The following PMS1 variants were observed in gnomAD, a reference collection of about 807,000 sequenced individuals.
PMS1 encodes the protein PMS1 protein homolog 1.
A neutral mutation model predicts 93.1 loss-of-function variants in PMS1; 79 were observed. The ratio of observed to expected loss-of-function variants is 0.85; its 90% CI spans 0.71 to 1.02. The LOEUF (loss-of-function observed/expected upper bound fraction) is 1.02. PMS1 is among the 50% of genes least tolerant of loss of function. The pLI is 0.00. For missense variants in PMS1, 1,064 were observed against 1,085.3 expected, an observed-to-expected ratio of 0.98 and a Z score of 0.28; for synonymous variants, 335 against 363.4, an observed-to-expected ratio of 0.92 and a Z score of 0.89.
At chr2:189,842,897 A>G (rs1276285469) in intron 5 of PMS1, among the ~76,000 whole-genome samples, 1 of 151,986 alleles carries the variant, frequency 6.6e-6, no homozygotes, top group African/African-American at 2.4e-5. Context: ...GGAAATTACT[A>G]TCATTTTAAT....
At position 189,867,860 on chromosome 2, in the gene PMS1, T is replaced by C; in HGVS notation, c.2404T>C (p.Tyr802His). The C allele has an allele frequency of 6.3e-7, 1 of 1,594,014 alleles. No homozygotes were observed. Among genetic ancestry groups the C allele is most frequent in the Admixed American group, 1.7e-5 (1 of 59,986 alleles). Reference protein sequence around the residue: ...LYKMTADDQRYSGSTYLSDPR... With the variant: ...LYKMTADDQRHSGSTYLSDPR... Reference sequence around the variant, plus strand: ...TAAAATGACAGCAGATGACCAAAGATACAGTGGATCAACTTACCTGTCTGA... The same window carrying C: ...TAAAATGACAGCAGATGACCAAAGACACAGTGGATCAACTTACCTGTCTGA... Residue 802 changes from tyrosine to histidine, a missense_variant, in exon 11 of 13, where the codon TAC (tyrosine) becomes CAC (histidine). Coordinates refer to ENST00000441310, the MANE Select transcript of PMS1 (RefSeq NM_000534.5).
intron 4 of PMS1, among the ~76,000 whole-genome samples, chr2:189,812,976 TATC>T (rs2050972080): frequency 6.6e-6 from 1 of 152,244 alleles, no homozygotes; most frequent in Admixed American, 6.5e-5. Flanking sequence ...AGACGATTGA[TATC>T]ATGTTATTTA....
intron 1 of PMS1, among the ~76,000 whole-genome samples, chr2:189,789,811 T>A (rs1341139721): frequency 1.3e-5 from 2 of 152,218 alleles, no homozygotes; most frequent in African/African-American, 2.4e-5. Flanking sequence ...AGCCCCCATT[T>A]TTTTTGGTCC....
At chr2:189,826,237 A>G (rs1175687094) in intron 5 of PMS1, among the ~76,000 whole-genome samples, 2 of 152,162 alleles carry the variant, frequency 1.3e-5, no homozygotes, top group East Asian at 1.9e-4. Flanking sequence ...AATCCCAGCC[A>G]GGAATGTGGA....
chr2:189,854,738 A>T lies in PMS1; in HGVS notation c.1466A>T (p.Asn489Ile). 1 of 1,613,690 alleles carries T rather than the reference A, an allele frequency of 6.2e-7. No homozygotes were observed. The highest frequency in any genetic ancestry group is 8.5e-7 in the Non-Finnish European group (1 of 1,179,838). ...AATGAGGAAGAAGCAGGTCTTGAAAACTCTTCGGAAATTTCTGCAGATGAG... is the reference window on the plus strand; with the variant it reads ...AATGAGGAAGAAGCAGGTCTTGAAATCTCTTCGGAAATTTCTGCAGATGAG... ...GENEEEAGLE[N>I]SSEISADEWS... Residue 489 changes from asparagine (N) to isoleucine (I), a missense_variant, in exon 9 of 13, where the codon AAC becomes ATC. Physicochemically the swap from Asn to Ile is moderately radical, Grantham distance 149 (BLOSUM62 -3). Coordinates refer to ENST00000441310, the MANE Select transcript of PMS1 (RefSeq NM_000534.5).
At chr2:189,793,964 C>G (rs1354516821) in intron 2 of PMS1, among the ~76,000 whole-genome samples, 2 of 152,144 alleles carry the variant, frequency 1.3e-5, no homozygotes, top group African/African-American at 2.4e-5. Context: ...CCATGTTGCC[C>G]AGGCTGGTCT....
At chr2:189,863,600 A>G (rs897531333) in intron 9 of PMS1, 143 bp from the exon 10 acceptor site, 2 of 657,086 alleles carry the variant, frequency 3.0e-6, no homozygotes, top group Middle Eastern at 4.1e-4. Flanking sequence ...TCATAGTTAT[A>G]TGCAGGAGAG....
At chr2:189,864,475 G>C (rs1380263130) in intron 10 of PMS1, 2 of 392,874 alleles carry the variant, frequency 5.1e-6, no homozygotes, top group Non-Finnish European at 9.7e-6. Flanking sequence ...GGCCAACATA[G>C]TGAAACCCTG....
chr2:189,848,824 C>T (rs2054459466), intron 6 of PMS1, among the ~76,000 whole-genome samples: 1 of 152,178 alleles, frequency 6.6e-6, no homozygotes, highest in East Asian at 1.9e-4. Flanking sequence ...TCACTCCATT[C>T]TTTCTGGGCT....
intron 11 of PMS1, among the ~76,000 whole-genome samples, chr2:189,868,415 T>A (rs1195024965): frequency 6.6e-6 from 1 of 152,222 alleles, no homozygotes; most frequent in African/African-American, 2.4e-5. Flanking sequence ...GATAACCCTC[T>A]TTGCTCAGTA....
At chr2:189,810,600 G>A (rs960686428) in intron 4 of PMS1, among the ~76,000 whole-genome samples, 12 of 152,294 alleles carry the variant, frequency 7.9e-5, no homozygotes, top group African/African-American at 2.6e-4. Context: ...AATCTCAGCA[G>A]GACTTTTGTT....
intron 9 of PMS1, among the ~76,000 whole-genome samples, chr2:189,863,258 G>GTTT (rs763514498): frequency 7.1e-6 from 1 of 141,420 alleles, no homozygotes; most frequent in African/African-American, 2.6e-5. Context: ...TTTTTTTTTG[G>GTTT]TTTTTTTTTT....
At chr2:189,850,646 T>C (rs898568640) in intron 6 of PMS1, among the ~76,000 whole-genome samples, 3 of 152,116 alleles carry the variant, frequency 2.0e-5, no homozygotes, top group Non-Finnish European at 2.9e-5. Context: ...GGGACCATCA[T>C]CATTTATACG....
chr2:189,835,748 A>G (rs2053324070), intron 5 of PMS1, among the ~76,000 whole-genome samples: 1 of 151,964 alleles, frequency 6.6e-6, no homozygotes, highest in Admixed American at 6.6e-5. Context: ...CAACATGGTG[A>G]AACCCTTTCT....
intron 7 of PMS1, 64 bp from the exon 8 acceptor site, chr2:189,853,875 T>C: frequency 9.7e-7 from 1 of 1,030,674 alleles, no homozygotes; most frequent in Non-Finnish European, 1.4e-6. Flanking sequence ...TTGAATTTGC[T>C]GGGTTTTATT....
intron 7 of PMS1, among the ~76,000 whole-genome samples, chr2:189,853,602 A>G (rs955073410): frequency 3.4e-5 from 5 of 149,238 alleles, no homozygotes; most frequent in African/African-American, 1.2e-4. Context: ...TGCAACCTCC[A>G]TCTCCCAGGT....
chr2:189,796,615 C>T (rs914803778), intron 3 of PMS1, among the ~76,000 whole-genome samples: 1 of 152,138 alleles, frequency 6.6e-6, no homozygotes, highest in African/African-American at 2.4e-5. Flanking sequence ...TAAGTGGACT[C>T]ATAAAATATT....
At chr2:189,824,859 C>T (rs572904444) in intron 5 of PMS1, among the ~76,000 whole-genome samples, 2 of 152,026 alleles carry the variant, frequency 1.3e-5, no homozygotes, top group South Asian at 2.1e-4. Flanking sequence ...GTTAAACCTC[C>T]CAAAATAGCA....
rs373271688 is a variant in PMS1 at position 189,854,551 on chromosome 2, A to G, written c.1279A>G (p.Asn427Asp). Residue 427 changes from asparagine to aspartate, a missense_variant, in exon 9 of 13, where the codon AAC (asparagine) becomes GAC (aspartate). Asn to Asp is a conservative substitution (Grantham distance 23, BLOSUM62 1). Coordinates refer to ENST00000441310, the MANE Select transcript of PMS1 (RefSeq NM_000534.5). ...GYGHCSSEISNIDKNTKNAFQ... is the reference protein window; with the variant it reads ...GYGHCSSEISDIDKNTKNAFQ... ...TGGTCATTGTAGTAGTGAAATTTCTAACATTGATAAAAACACTAAGAATGC... is the reference window on the plus strand; with the variant it reads ...TGGTCATTGTAGTAGTGAAATTTCTGACATTGATAAAAACACTAAGAATGC... 8 of 1,613,248 alleles carry G rather than the reference A, an allele frequency of 5.0e-6. No individual in the cohort carries two copies. The highest frequency in any genetic ancestry group is 6.8e-6 in the Non-Finnish European group (8 of 1,179,426).
Sources: allele counts gnomAD v4.1 joint callset (sites outside exome capture counted in the v4.1 genomes callset), GRCh38; gene constraint gnomAD v4.1.1; transcripts MANE v1.5; gene names NCBI Gene and HGNC (gene_info 2026-07-23, HGNC 2026-07-21).